The following INSC variants were observed in gnomAD, a reference collection of about 807,000 sequenced individuals.
The protein encoded by INSC is protein inscuteable homolog.
A neutral mutation model predicts 58.6 loss-of-function variants in INSC; 67 were observed. That is an observed-to-expected ratio of 1.14 (90% CI 0.94 to 1.40). The LOEUF (loss-of-function observed/expected upper bound fraction) is 1.40, where lower values mean the gene tolerates loss of function less well. Among genes scored for constraint, INSC ranks in the 40% most tolerant of loss-of-function variants. The probability of loss-of-function intolerance (pLI) is 0.00; values close to 1 mark genes in which losing one functional copy is unlikely to be tolerated. For missense variants in INSC, 714 were observed against 692.0 expected (o/e 1.03, Z -0.36); for synonymous variants, 262 against 276.1 (o/e 0.95, Z 0.51).
chr11:15,111,782 T>A (rs1847580976), upstream of INSC, among the ~76,000 whole-genome samples: 2 of 152,162 alleles, frequency 1.3e-5, no homozygotes, highest in African/African-American at 4.8e-5. Flanking sequence ...GGCAGCAAAA[T>A]GAAACATGCA....
chr11:15,225,924 T>C (rs1564914402), intron 9 of INSC, 96 bp downstream of exon 9: 4 of 1,232,958 alleles, frequency 3.2e-6, no homozygotes, highest in Non-Finnish European at 4.5e-6. Flanking sequence ...GGAGAGAGCA[T>C]GGGAGTCCTG....
At chr11:15,216,119 G>C (rs1039691303) in intron 7 of INSC, among the ~76,000 whole-genome samples, 1 of 152,164 alleles carries the variant, frequency 6.6e-6, no homozygotes, top group East Asian at 1.9e-4. Context: ...GGAGTAAAGC[G>C]GGCTGGCAGC....
chr11:15,207,498 G>A (rs1380513611), intron 7 of INSC, among the ~76,000 whole-genome samples: 2 of 152,012 alleles, frequency 1.3e-5, no homozygotes, highest in Non-Finnish European at 2.9e-5. Context: ...GCTCCTTCAC[G>A]CCCCACCCTC....
chr11:15,124,069 TCTC>T (rs1017399184), intron 1 of INSC, among the ~76,000 whole-genome samples: 37 of 152,288 alleles, frequency 2.4e-4, no homozygotes, highest in African/African-American at 8.9e-4. Context: ...CAACTTTCTA[TCTC>T]CTCTTGTTCA....
At chr11:15,191,042 G>A (rs529691422) in intron 6 of INSC, among the ~76,000 whole-genome samples, 5 of 149,906 alleles carry the variant, frequency 3.3e-5, no homozygotes, top group Non-Finnish European at 5.9e-5. Flanking sequence ...GTGCAGTGGC[G>A]CGATCTCGGC....
downstream of INSC, among the ~76,000 whole-genome samples, chr11:15,247,754 T>TATATATATATATA (rs1222085174): frequency 1.1e-3 from 158 of 149,762 alleles, no homozygotes; most frequent in African/African-American, 3.5e-3. Context: ...TATATATATA[T>TATATATATATATA]ATTTCACTGA....
intron 1 of INSC, among the ~76,000 whole-genome samples, chr11:15,124,464 T>G (rs1241159721): frequency 6.6e-6 from 1 of 152,180 alleles, no homozygotes; most frequent in Non-Finnish European, 1.5e-5. Context: ...GCAGAGGTGT[T>G]AGGGGGCTCT....
chr11:15,243,538 G>C (rs1852439046), intron 12 of INSC, among the ~76,000 whole-genome samples: 1 of 152,126 alleles, frequency 6.6e-6, no homozygotes, highest in South Asian at 2.1e-4. Context: ...GTTGGCAAGG[G>C]TGCAGGGTCC....
intron 7 of INSC, among the ~76,000 whole-genome samples, chr11:15,209,664 T>C (rs1338113899): frequency 6.6e-6 from 1 of 151,818 alleles, no homozygotes. Context: ...CACACACAGG[T>C]GAATAATGTT....
At position 15,172,559 on chromosome 11, in the gene INSC, C is replaced by T. The variant is rs1849436551; in HGVS notation, c.57-3182C>T. 2.6e-5 allele frequency among the ~76,000 whole-genome samples: 4 copies of T among 152,260 alleles called. No homozygotes were observed. The South Asian group carries it at 8.3e-4, about 32-fold the overall frequency. ...GTGCCCCACTGAAGGATGCAGAGGC[C>T]CTGAGGGGGAACTCATGAGCTCTGG... On this transcript the variant is annotated intron_variant, in intron 2 of 12. Transcript: ENST00000379556.
At chr11:15,266,638 A>G in the INSC span, among the ~76,000 whole-genome samples, 2 of 152,024 alleles carry the variant, frequency 1.3e-5, no homozygotes, top group African/African-American at 2.4e-5. Context: ...AGTTGTACCC[A>G]AGATTGTAGT....
chr11:15,161,690 G>T, intron 2 of INSC, among the ~76,000 whole-genome samples: 1 of 152,178 alleles, frequency 6.6e-6, no homozygotes, highest in East Asian at 1.9e-4. Context: ...TGTGAACTTG[G>T]AGTGCTTAGG....
chr11:15,242,560 A>G (rs2133983449), intron 12 of INSC, among the ~76,000 whole-genome samples: 1 of 152,204 alleles, frequency 6.6e-6, no homozygotes, highest in East Asian at 1.9e-4. Context: ...GCTCCAACCC[A>G]TCCCTAGGGC....
chr11:15,181,904 A>G (rs1362591663), intron 5 of INSC, among the ~76,000 whole-genome samples: 1 of 152,124 alleles, frequency 6.6e-6, no homozygotes, highest in Non-Finnish European at 1.5e-5. Flanking sequence ...CAATCTTTTT[A>G]CTTTTAGGAA....
chr11:15,153,442 G>A (rs894898469), intron 2 of INSC, among the ~76,000 whole-genome samples: 1 of 152,214 alleles, frequency 6.6e-6, no homozygotes, highest in Admixed American at 6.5e-5. Context: ...ATAATGGCTT[G>A]CATATGTGCA....
intron 1 of INSC, among the ~76,000 whole-genome samples, chr11:15,116,387 A>T (rs1248590244): frequency 6.6e-6 from 1 of 152,158 alleles, no homozygotes; most frequent in Non-Finnish European, 1.5e-5. Flanking sequence ...GTTCAACCCT[A>T]CTTTGAGTCT....
chr11:15,156,387 A>T (rs1369289795), intron 2 of INSC, among the ~76,000 whole-genome samples: 1 of 152,210 alleles, frequency 6.6e-6, no homozygotes, highest in Non-Finnish European at 1.5e-5. Context: ...TAAATTGCTG[A>T]AAACCATCAA....
chr11:15,241,504 G>T (rs906157198), intron 12 of INSC: 1 of 699,620 alleles, frequency 1.4e-6, no homozygotes, highest in Non-Finnish European at 2.6e-6. Flanking sequence ...AAGTCACTCA[G>T]TGCTATACAT....
intron 8 of INSC, among the ~76,000 whole-genome samples, chr11:15,224,404 C>T (rs1851553409): frequency 6.6e-6 from 1 of 152,180 alleles, no homozygotes; most frequent in Admixed American, 6.5e-5. Context: ...TGTGCATTCA[C>T]AGGTAGGTGC....
Sources: allele counts gnomAD v4.1 joint callset (sites outside exome capture counted in the v4.1 genomes callset), GRCh38; gene constraint gnomAD v4.1.1; transcripts MANE v1.5; gene names NCBI Gene and HGNC (gene_info 2026-07-23, HGNC 2026-07-21).